Variants in LIMCH1 observed in about 807,000 individuals in gnomAD.
LIMCH1 encodes LIM and calponin homology domains-containing protein 1.
LIMCH1 carries 113 observed loss-of-function variants against 176.5 expected under a neutral mutation model. The observed-to-expected ratio is 0.64, with a 90% CI of 0.55 to 0.75. LIMCH1 has a LOEUF of 0.75. Among genes scored for constraint, LIMCH1 ranks in the 30% least tolerant of loss-of-function variants. The pLI is 0.00. For missense variants in LIMCH1, 1,674 were observed against 1,814.9 expected, an observed-to-expected ratio of 0.92 and a Z score of 1.41; for synonymous variants, 619 against 645.9, an observed-to-expected ratio of 0.96 and a Z score of 0.63.
intron 22 of LIMCH1, among the ~76,000 whole-genome samples, chr4:41,676,026 C>T (rs1057091595): frequency 2.0e-5 from 3 of 152,158 alleles, no homozygotes; most frequent in Admixed American, 1.3e-4. Flanking sequence ...TTTGCTTGGA[C>T]CCAGGATCAA....
Position 41,542,274 on chromosome 4 carries a change from A to G in LIMCH1, c.-241+3924A>G, listed in dbSNP as rs151303640. On this transcript the variant is annotated intron_variant, in intron 1 of 31. Coordinates refer to ENST00000503057, the MANE Select transcript of LIMCH1 (RefSeq NM_001330672.2). ...TAGGAGTTCTCAGTGTATTGATTTTATTTACACTGCTAGTGTTACATTTTG... is the reference window on the plus strand; with the variant it reads ...TAGGAGTTCTCAGTGTATTGATTTTGTTTACACTGCTAGTGTTACATTTTG... 9.7e-3 allele frequency among the ~76,000 whole-genome samples: 1,474 copies of G among 151,900 alleles called. 17 individuals carry two copies. Among genetic ancestry groups the G allele is most frequent in the African/African-American group, 0.029 (1,219 of 41,432 alleles).
intron 1 of LIMCH1, among the ~76,000 whole-genome samples, chr4:41,575,321 C>T (rs1339947619): frequency 1.3e-5 from 2 of 152,126 alleles, no homozygotes; most frequent in African/African-American, 2.4e-5. Flanking sequence ...TCTGCCTCAC[C>T]GCAAATGCAA....
At chr4:41,381,705 G>C (rs1478490794) in intron 1 of LIMCH1, among the ~76,000 whole-genome samples, 1 of 152,038 alleles carries the variant, frequency 6.6e-6, no homozygotes, top group Non-Finnish European at 1.5e-5. Context: ...CTCTGTCATC[G>C]CTGTGACAAG....
At chr4:41,613,163 G>A in intron 4 of LIMCH1, 1 of 1,342,640 alleles carries the variant, frequency 7.4e-7, no homozygotes, top group Non-Finnish European at 1.0e-6. Context: ...TCCAAACTTT[G>A]TGATCCTTTC....
Position 41,662,870 on chromosome 4 carries a change from C to T in LIMCH1, c.3177C>T (p.Ala1059=). Residue 1059 remains alanine (A), a synonymous_variant, in exon 20 of 32, where the codon GCC becomes GCT. Transcript: ENST00000503057. ...TGACTCGATGCAGCCCGACCGTGGC[C>T]TTTGTGGAATTTCCCTCCAGCCCCC... ...TTVTRCSPTV[A]FVEFPSSPQL... is the part of the protein sequence containing the mutation. 1 of 1,614,050 alleles carries T rather than the reference C, an allele frequency of 6.2e-7. No individual in the cohort carries two copies. Among genetic ancestry groups the T allele is most frequent in the Non-Finnish European group, 8.5e-7 (1 of 1,179,986 alleles).
At chr4:41,621,974 T>C (rs961790550) in intron 7 of LIMCH1, among the ~76,000 whole-genome samples, 8 of 151,722 alleles carry the variant, frequency 5.3e-5, no homozygotes, top group African/African-American at 1.9e-4. Flanking sequence ...AGTACCTTTG[T>C]ATTAAAAAAA....
At chr4:41,696,149 A>G (rs1730485159) in intron 31 of LIMCH1, among the ~76,000 whole-genome samples, 1 of 152,214 alleles carries the variant, frequency 6.6e-6, no homozygotes, top group African/African-American at 2.4e-5. Flanking sequence ...GCATACCAGC[A>G]TATTAAAATG....
chr4:41,627,223 TAG>T (rs1163741055), intron 8 of LIMCH1, among the ~76,000 whole-genome samples: 1 of 152,178 alleles, frequency 6.6e-6, no homozygotes, highest in African/African-American at 2.4e-5. Flanking sequence ...TGGCAGACAG[TAG>T]AGTGTCCATG....
At chr4:41,573,111 G>A (rs931169385) in intron 1 of LIMCH1, among the ~76,000 whole-genome samples, 5 of 152,188 alleles carry the variant, frequency 3.3e-5, no homozygotes, top group African/African-American at 1.2e-4. Flanking sequence ...TTACTGTCGT[G>A]TCTCCTCTTT....
At chr4:41,634,826 C>T (rs1163244823) in intron 13 of LIMCH1, among the ~76,000 whole-genome samples, 1 of 152,180 alleles carries the variant, frequency 6.6e-6, no homozygotes, top group African/African-American at 2.4e-5. Flanking sequence ...GTGAGTGGAT[C>T]ACACATGATT....
chr4:41,398,052 T>C (rs2057995896), intron 1 of LIMCH1, among the ~76,000 whole-genome samples: 1 of 151,986 alleles, frequency 6.6e-6, no homozygotes, highest in Admixed American at 6.6e-5. Flanking sequence ...TACAAACCCA[T>C]GTCCATGTAC....
intron 1 of LIMCH1, among the ~76,000 whole-genome samples, chr4:41,361,703 G>C (rs911562894): frequency 6.6e-6 from 1 of 152,230 alleles, no homozygotes; most frequent in Non-Finnish European, 1.5e-5. Context: ...CTCAGTCCCG[G>C]AAGCGCTCAC....
intron 1 of LIMCH1, among the ~76,000 whole-genome samples, chr4:41,565,382 C>CACAT (rs1346767091): frequency 2.2e-5 from 3 of 138,874 alleles, no homozygotes; most frequent in African/African-American, 6.3e-5. Flanking sequence ...CACACACACA[C>CACAT]ATACACACAC....
intron 1 of LIMCH1, among the ~76,000 whole-genome samples, chr4:41,379,449 A>G (rs922323034): frequency 6.6e-6 from 1 of 152,190 alleles, no homozygotes; most frequent in African/African-American, 2.4e-5. Context: ...ATGTCACCAT[A>G]TCTGCCAACT....
At chr4:41,448,577 GAAAT>G (rs1345104973) in intron 1 of LIMCH1, among the ~76,000 whole-genome samples, 1 of 151,824 alleles carries the variant, frequency 6.6e-6, no homozygotes, top group Non-Finnish European at 1.5e-5. Flanking sequence ...GTTTTATTGA[GAAAT>G]AATTCATATA....
chr4:41,371,288 C>T (rs1005425132), intron 1 of LIMCH1, among the ~76,000 whole-genome samples: 2 of 152,054 alleles, frequency 1.3e-5, no homozygotes, highest in African/African-American at 2.4e-5. Context: ...CCATATGGCT[C>T]CCAAGCACAT....
At chr4:41,532,656 T>TTTGG (rs1251645931) in intron 3 of LIMCH1, among the ~76,000 whole-genome samples, 3 of 152,112 alleles carry the variant, frequency 2.0e-5, no homozygotes, top group Non-Finnish European at 4.4e-5. Context: ...CAGGCTGGCT[T>TTTGG]TTGGTTGTTC....
intron 1 of LIMCH1, among the ~76,000 whole-genome samples, chr4:41,424,465 T>C (rs933292094): frequency 6.6e-6 from 1 of 152,220 alleles, no homozygotes; most frequent in Non-Finnish European, 1.5e-5. Context: ...TCTGAAACTC[T>C]TGGGGCCAAA....
At chr4:41,418,455 G>C (rs2060131681) in intron 1 of LIMCH1, among the ~76,000 whole-genome samples, 2 of 152,162 alleles carry the variant, frequency 1.3e-5, no homozygotes, top group South Asian at 4.1e-4. Context: ...AAAAGTCCAG[G>C]TTTGCGTTGG....
Sources: allele counts gnomAD v4.1 joint callset (sites outside exome capture counted in the v4.1 genomes callset), GRCh38; gene constraint gnomAD v4.1.1; transcripts MANE v1.5; gene names NCBI Gene and HGNC (gene_info 2026-07-23, HGNC 2026-07-21).